MACF1: variants seen among roughly 807,000 people sequenced by gnomAD.
The protein encoded by MACF1 is microtubule-actin cross-linking factor 1.
Under a neutral mutation model 854.8 loss-of-function variants are expected in MACF1, and 193 were observed. The observed-to-expected ratio is 0.23, with a 90% CI of 0.20 to 0.25. The LOEUF (loss-of-function observed/expected upper bound fraction) is 0.25, where lower values mean the gene tolerates loss of function less well. MACF1 is among the 10% of genes least tolerant of loss of function. The probability of loss-of-function intolerance (pLI) is 1.00; values close to 1 mark genes in which losing one functional copy is unlikely to be tolerated. For missense variants in MACF1, 7,722 were observed against 8,929.1 expected, an observed-to-expected ratio of 0.86 and a Z score of 5.45; for synonymous variants, 3,185 against 3,226.7, an observed-to-expected ratio of 0.99 and a Z score of 0.44.
At chr1:39,321,262 T>C (rs2148452823) in intron 31 of MACF1, among the ~76,000 whole-genome samples, 1 of 152,372 alleles carries the variant, frequency 6.6e-6, no homozygotes, top group South Asian at 2.1e-4. Flanking sequence ...TTTCTGTTAC[T>C]GTATCTATAA....
At chr1:39,191,711 G>T (rs559778512) in intron 2 of MACF1, among the ~76,000 whole-genome samples, 11 of 152,322 alleles carry the variant, frequency 7.2e-5, no homozygotes, top group Non-Finnish European at 1.2e-4. Flanking sequence ...GTGGTCCCCA[G>T]ATTTTAGAGA....
At chr1:39,304,285 T>A (rs1184427030) in intron 23 of MACF1, 1 of 592,138 alleles carries the variant, frequency 1.7e-6, no homozygotes, top group Non-Finnish European at 3.2e-6. Flanking sequence ...ATTTCAGTAG[T>A]GACTTATTTC....
intron 21 of MACF1, chr1:39,298,750 C>A: frequency 2.6e-6 from 1 of 386,038 alleles, no homozygotes; most frequent in Non-Finnish European, 5.1e-6. Context: ...GAAAACCTGA[C>A]TTTTCAGATG....
intron 2 of MACF1, among the ~76,000 whole-genome samples, chr1:39,087,728 T>G (rs891454181): frequency 6.6e-6 from 1 of 152,154 alleles, no homozygotes; most frequent in African/African-American, 2.4e-5. Context: ...TGCCTATAGT[T>G]ACACAGGACT....
At chr1:39,383,904 G>A (rs2148561467) in intron 56 of MACF1, among the ~76,000 whole-genome samples, 1 of 151,906 alleles carries the variant, frequency 6.6e-6, no homozygotes, top group East Asian at 1.9e-4. Context: ...ATTGTTTTAT[G>A]TCTTTGCAAA....
chr1:39,324,772 A>G (rs1001372800), intron 35 of MACF1, 38 bp downstream of exon 35: 6 of 1,462,630 alleles, frequency 4.1e-6, no homozygotes, highest in Non-Finnish European at 5.7e-6. Context: ...CATCTGGGGC[A>G]CCTGGTCTAT....
At position 39,292,757 on chromosome 1, in the gene MACF1, T is replaced by G; in HGVS notation, c.1915-9T>G. 6.3e-7 allele frequency: 1 copy of G among 1,596,282 alleles called. No homozygotes were observed. The highest frequency in any genetic ancestry group is 1.3e-5 in the African/African-American group (1 of 74,530). On this transcript the variant is annotated splice_polypyrimidine_tract_variant and intron_variant, in intron 16 of 100. Transcript: ENST00000564288. ...CTAATGTATTTTTATTTCATTCTTT[T>G]TTAATCAGGGAAAGATGTCCCAGAA...
At chr1:39,439,691 C>T (rs1269042301) in intron 72 of MACF1, among the ~76,000 whole-genome samples, 191 bp downstream of exon 72, 2 of 152,176 alleles carry the variant, frequency 1.3e-5, no homozygotes, top group Admixed American at 6.5e-5. Flanking sequence ...CTGCAACCTC[C>T]GCCTTCCAGG....
At chr1:39,103,497 A>C (rs1171792831) in intron 2 of MACF1, 1 of 155,258 alleles carries the variant, frequency 6.4e-6, no homozygotes, top group Non-Finnish European at 1.4e-5. Context: ...CAAGATCCCC[A>C]GAGTTAGCAT....
intron 3 of MACF1, 109 bp downstream of exon 3, chr1:39,250,212 G>T: frequency 1.6e-6 from 1 of 618,294 alleles, no homozygotes; most frequent in Non-Finnish European, 2.8e-6. Flanking sequence ...TCTATTAGAG[G>T]GGAGGAAGAA....
At chr1:39,233,007 TTTGTTGTTG>T (rs541207629) in intron 2 of MACF1, among the ~76,000 whole-genome samples, 20 of 139,386 alleles carry the variant, frequency 1.4e-4, no homozygotes, top group African/African-American at 2.9e-4. Context: ...CTTTCTTGTT[TTTGTTGTTG>T]TTGTTGTTGT....
At chr1:39,230,074 G>T (rs1180191459) in intron 1 of MACF1, among the ~76,000 whole-genome samples, 1 of 152,166 alleles carries the variant, frequency 6.6e-6, no homozygotes, top group African/African-American at 2.4e-5. Context: ...GGCTGTAGAT[G>T]TCCTTAATGA....
intron 99 of MACF1, among the ~76,000 whole-genome samples, chr1:39,484,357 A>G (rs947177301): frequency 1.3e-5 from 2 of 152,062 alleles, no homozygotes; most frequent in African/African-American, 4.8e-5. Flanking sequence ...TTCTAGGGGA[A>G]ATTAGTAAAA....
intron 96 of MACF1, 46 bp downstream of exon 96, chr1:39,468,778 A>G: frequency 5.0e-5 from 76 of 1,509,464 alleles, no homozygotes; most frequent in Non-Finnish European, 6.8e-5. Context: ...GTATGCCCCC[A>G]GCAGTGATCT....
intron 1 of MACF1, among the ~76,000 whole-genome samples, chr1:39,228,629 G>A (rs1225483223): frequency 6.6e-6 from 1 of 152,162 alleles, no homozygotes; most frequent in East Asian, 1.9e-4. Context: ...AGTGAAAGAT[G>A]GATTAAACTT....
intron 40 of MACF1, among the ~76,000 whole-genome samples, chr1:39,341,572 C>A (rs1030276016): frequency 6.6e-6 from 1 of 151,572 alleles, no homozygotes. Flanking sequence ...GTGGCAGGCA[C>A]CCGTAATCCC....
rs143548063 is a variant in MACF1 at position 39,250,030 on chromosome 1, A to G, written c.188A>G (p.Asn63Ser). Reference sequence around the variant, plus strand: ...CATTCACAGGTCCGCAAGCACATCAATGATCTTTATGAAGATCTGCGGGAT... The same window carrying G: ...CATTCACAGGTCCGCAAGCACATCAGTGATCTTTATGAAGATCTGCGGGAT... The part of the protein sequence containing the change: ...KHLMKVRKHI[N>S]DLYEDLRDGH... The change falls in exon 3 of 101, where the codon AAT becomes AGT. Residue 63 changes from asparagine to serine, a missense_variant. By Grantham distance (46) the Asn-to-Ser change is conservative (BLOSUM62 1). Coordinates refer to ENST00000564288, the MANE Select transcript of MACF1 (RefSeq NM_001394062.1). The G allele has an allele frequency of 2.5e-4, 395 of 1,611,574 alleles. No homozygotes were observed. Among genetic ancestry groups the G allele is most frequent in the Middle Eastern group, 1.3e-3 (8 of 6,056 alleles).
chr1:39,434,371 A>G (rs2148655846), intron 68 of MACF1, 43 bp from the exon 69 acceptor site: 1 of 1,203,016 alleles, frequency 8.3e-7, no homozygotes, highest in South Asian at 1.4e-5. Flanking sequence ...AGAGTTTATA[A>G]TAGTAATACT....
chr1:39,450,358 G>A (rs1180594592), intron 84 of MACF1, among the ~76,000 whole-genome samples: 1 of 151,828 alleles, frequency 6.6e-6, no homozygotes, highest in Non-Finnish European at 1.5e-5. Flanking sequence ...AACAGCCTAG[G>A]GTCACACAAC....
Sources: gnomAD v4.1 joint callset for allele counts (sites outside exome capture counted in the v4.1 genomes callset) on GRCh38, gnomAD v4.1.1 for gene constraint, MANE v1.5 for transcripts, NCBI Gene and HGNC (gene_info 2026-07-23, HGNC 2026-07-21) for gene names.